SFSWAP: variants seen among roughly 807,000 people sequenced by gnomAD.
SFSWAP encodes splicing factor SWAP.
Under a neutral mutation model 100.7 loss-of-function variants are expected in SFSWAP, and 17 were observed. That is an observed-to-expected ratio of 0.17 (90% CI 0.12 to 0.25). The LOEUF is 0.25. Among genes scored for constraint, SFSWAP ranks in the 10% least tolerant of loss-of-function variants. The pLI is 1.00. For missense variants in SFSWAP, 1,005 were observed against 1,262.6 expected, an observed-to-expected ratio of 0.80 and a Z score of 3.09; for synonymous variants, 504 against 510.1, an observed-to-expected ratio of 0.99 and a Z score of 0.16.
At chr12:131,727,351 A>C (rs1879078084) in intron 6 of SFSWAP, among the ~76,000 whole-genome samples, 1 of 152,230 alleles carries the variant, frequency 6.6e-6, no homozygotes, top group Non-Finnish European at 1.5e-5. Flanking sequence ...TTAAGACTTG[A>C]AAATTGTTTT....
intron 13 of SFSWAP, among the ~76,000 whole-genome samples, chr12:131,772,066 G>A (rs1883658692): frequency 6.6e-6 from 1 of 152,114 alleles, no homozygotes; most frequent in African/African-American, 2.4e-5. Flanking sequence ...TTTGTCTTAT[G>A]CTGCGTCATG....
rs142972060 is a variant in SFSWAP, at chr12:131,719,258, C to T, written c.521-196C>T. 1.1e-4 allele frequency among the ~76,000 whole-genome samples: 16 copies of T among 152,018 alleles called. No homozygotes were observed. The East Asian group carries it at 2.7e-3, about 26-fold the overall frequency. ...CACCCCACCTCCCCCCACCACCCCA[C>T]CTCATTTGGAATTTTGTAAAGTGAG... On this transcript the variant is annotated intron_variant, in intron 3 of 17. Coordinates refer to ENST00000261674, the MANE Select transcript of SFSWAP (RefSeq NM_004592.4).
chr12:131,719,346 G>T (rs1566002735), intron 3 of SFSWAP, 108 bp from the exon 4 acceptor site: 1 of 765,254 alleles, frequency 1.3e-6, no homozygotes, highest in Non-Finnish European at 2.3e-6. Flanking sequence ...ACAACAGAAG[G>T]TAAAGAAGCA....
rs752223676 is a variant in SFSWAP, at chr12:131,711,489, C to G, written c.218+42C>G. Reference sequence around the variant, plus strand: ...ACCCGTCGATCCTTCCCTTCCCTCACCCGCTTGATCTCGTCTGATGTTGAC... The same window carrying G: ...ACCCGTCGATCCTTCCCTTCCCTCAGCCGCTTGATCTCGTCTGATGTTGAC... On this transcript the variant is annotated intron_variant, in intron 1 of 17. Coordinates refer to ENST00000261674, the MANE Select transcript of SFSWAP (RefSeq NM_004592.4). The surrounding 1 kb of genome is among the most constrained non-coding windows in gnomAD (Gnocchi z 4.9). 22 of 1,494,402 alleles carry G rather than the reference C, an allele frequency of 1.5e-5. 1 individual carries two copies. In the South Asian group the frequency reaches 1.8e-4, roughly 12 times the overall value. The allele number at this position is 1,494,402 out of a possible 1,614,324, so 92.6% of individuals were successfully genotyped here.
intron 13 of SFSWAP, among the ~76,000 whole-genome samples, chr12:131,768,831 T>A (rs1019287017): frequency 6.6e-6 from 1 of 152,190 alleles, no homozygotes; most frequent in Non-Finnish European, 1.5e-5. Flanking sequence ...TTAGCTTTAA[T>A]AGGATTTCTT....
intron 7 of SFSWAP, among the ~76,000 whole-genome samples, chr12:131,748,941 A>G (rs1375832001): frequency 6.6e-6 from 1 of 152,250 alleles, no homozygotes; most frequent in African/African-American, 2.4e-5. Context: ...CCTTTGGGAA[A>G]TTCAATATAA....
intron 13 of SFSWAP, among the ~76,000 whole-genome samples, chr12:131,768,273 CT>C (rs1883289770): frequency 6.6e-6 from 1 of 152,212 alleles, no homozygotes; most frequent in African/African-American, 2.4e-5. Context: ...TTTTGTAGAT[CT>C]TTTTTTCCCA....
rs775363651 is a variant in SFSWAP, at chr12:131,797,399, C to T, written c.2717+39C>T. On this transcript the variant is annotated intron_variant, in intron 16 of 17. Transcript: ENST00000261674. The stretch of plus-strand genomic sequence containing the variant: ...TCCAGCAGCTCTCTCTGGGGAAAGG[C>T]AAGGGGCGGCCAGCAGGACTCTCCC... 84 of 1,556,136 alleles carry T rather than the reference C, an allele frequency of 5.4e-5. 2 individuals are homozygous for T. In the South Asian group the frequency reaches 9.5e-4, roughly 18 times the overall value.
chr12:131,746,960 C>T (rs535814862), intron 7 of SFSWAP, among the ~76,000 whole-genome samples: 12 of 152,104 alleles, frequency 7.9e-5, no homozygotes, highest in East Asian at 1.9e-4. Context: ...AAAAATTAGC[C>T]GGGTGTGGTG....
chr12:131,796,127 A>T (rs749983841), intron 15 of SFSWAP: 3 of 152,072 alleles, frequency 2.0e-5, no homozygotes, highest in Non-Finnish European at 4.4e-5. Context: ...TCCAAGAAAC[A>T]CTGTACTCAG....
chr12:131,742,907 A>G (rs1053685021), intron 7 of SFSWAP, among the ~76,000 whole-genome samples: 12 of 152,314 alleles, frequency 7.9e-5, no homozygotes, highest in Middle Eastern at 3.4e-3. Context: ...AGGCCTCACA[A>G]TCATGACAGA....
At chr12:131,763,855 A>C (rs1041449171) in intron 11 of SFSWAP, among the ~76,000 whole-genome samples, 1 of 151,510 alleles carries the variant, frequency 6.6e-6, no homozygotes, top group Non-Finnish European at 1.5e-5. Flanking sequence ...GGCCGGGCAC[A>C]GTGGCTCACG....
rs1881791289 is a variant in SFSWAP at position 131,752,986 on chromosome 12, C to T, written c.1082-137C>T. The stretch of plus-strand genomic sequence containing the variant: ...AGACAACTTTTTGTATCAGAAAAAT[C>T]TAGAAAACAGCATGGTTGGAAGTGA... On this transcript the variant is annotated intron_variant, in intron 7 of 17. Transcript: ENST00000261674. The T allele has an allele frequency of 6.0e-6, 8 of 1,331,424 alleles. No homozygotes were observed. In the East Asian group the frequency reaches 1.9e-4, roughly 31 times the overall value. The allele number at this position is 1,331,424 out of a possible 1,614,324, so 82.5% of individuals were successfully genotyped here.
At chr12:131,753,625 G>A (rs759680389) in intron 8 of SFSWAP, 17 of 527,194 alleles carry the variant, frequency 3.2e-5, no homozygotes, top group Middle Eastern at 4.9e-4. Context: ...CAGATCTCCA[G>A]CATCTGTTCT....
At position 131,734,708 on chromosome 12, in the gene SFSWAP, T is replaced by C. The variant is rs1879834595; in HGVS notation, c.1081+6280T>C. 6.6e-6 allele frequency among the ~76,000 whole-genome samples: 1 copy of C among 152,180 alleles called. No individual in the cohort carries two copies. Among genetic ancestry groups the C allele is most frequent in the African/African-American group, 2.4e-5 (1 of 41,442 alleles). ...CTTCAGAAAAGTGAAGAGCAGAAGT[T>C]CCAAAAGCACCTGGTGCTTCCTGGG... On this transcript the variant is annotated intron_variant, in intron 7 of 17. Transcript: ENST00000261674. This position sits in a 1 kb window ranked among gnomAD's most constrained non-coding sequence, Gnocchi z 4.9.
intron 15 of SFSWAP, chr12:131,795,996 AG>A (rs1885623546): frequency 4.1e-5 from 1 of 24,560 alleles, no homozygotes; most frequent in African/African-American, 1.7e-4. Flanking sequence ...GGGAGGGGAG[AG>A]GGGGAGGGGA....
rs1416586127 is a variant in SFSWAP at position 131,725,573 on chromosome 12, G to A, written c.775G>A (p.Ala259Thr). 3.7e-6 allele frequency: 6 copies of A among 1,614,162 alleles called. No homozygotes were observed. The highest frequency in any genetic ancestry group is 5.1e-6 in the Non-Finnish European group (6 of 1,180,034). Residue 259 changes from alanine (A) to threonine (T), a missense_variant, in exon 5 of 18, where the codon GCC becomes ACC. Ala to Thr is a moderately conservative substitution (Grantham distance 58). Around this residue, in one of 7 missense-constraint regions of SFSWAP, gnomAD observed 54 missense variants for 51.9 expected, o/e 1.04. Transcript: ENST00000261674. The surrounding 1 kb of genome is among the most constrained non-coding windows in gnomAD (Gnocchi z 4.3). ...CCCCTACTATAAGTTCATCCAGAAAGCCATGAAAGAGGGACGCTACACTGT... is the reference window on the plus strand; with the variant it reads ...CCCCTACTATAAGTTCATCCAGAAAACCATGAAAGAGGGACGCTACACTGT... Reference protein sequence around the residue: ...LNPYYKFIQKAMKEGRYTVLA... With the variant: ...LNPYYKFIQKTMKEGRYTVLA...
chr12:131,749,696 G>A (rs534632527), intron 7 of SFSWAP, among the ~76,000 whole-genome samples: 4 of 152,318 alleles, frequency 2.6e-5, no homozygotes, highest in Middle Eastern at 3.4e-3. Context: ...AGTCCAGGCC[G>A]TGCCACCAGC....
chr12:131,786,631 G>A, intron 15 of SFSWAP, 43 bp downstream of exon 15: 1 of 1,557,510 alleles, frequency 6.4e-7, no homozygotes, highest in Non-Finnish European at 8.7e-7. Flanking sequence ...TGTGGGCCAG[G>A]TTTCCCTGGG....
Sources: gnomAD v4.1 joint callset for allele counts (sites outside exome capture counted in the v4.1 genomes callset) on GRCh38, gnomAD v4.1.1 for gene constraint, gnomAD v4.1.1 regional missense constraint, Gnocchi (gnomAD v3.1) non-coding constraint, MANE v1.5 for transcripts, NCBI Gene and HGNC (gene_info 2026-07-23, HGNC 2026-07-21) for gene names.